Variants in LCLAT1 observed in about 807,000 individuals in gnomAD.
LCLAT1 encodes 1-AGP acyltransferase 8.
A neutral mutation model predicts 30.7 loss-of-function variants in LCLAT1; 11 were observed. That is an observed-to-expected ratio of 0.36 (90% CI 0.23 to 0.59). LCLAT1 has a LOEUF of 0.59. Ranked by LOEUF, LCLAT1 falls within the 20% of genes least tolerant of loss-of-function variation. LCLAT1 has a pLI of 0.77. For missense variants in LCLAT1, 402 were observed against 458.6 expected (o/e 0.88, Z 1.13); for synonymous variants, 155 against 151.3 (o/e 1.02, Z -0.18).
chr2:30,637,666 C>G (rs1439713780), intron 5 of LCLAT1, among the ~76,000 whole-genome samples: 1 of 152,166 alleles, frequency 6.6e-6, no homozygotes, highest in African/African-American at 2.4e-5. Flanking sequence ...CAACCTCTGC[C>G]TCCCGGGTTC....
At chr2:30,589,841 TC>T (rs1435015132) in intron 5 of LCLAT1, among the ~76,000 whole-genome samples, 1 of 152,228 alleles carries the variant, frequency 6.6e-6, no homozygotes, top group East Asian at 1.9e-4. Context: ...CTGCTGCTGC[TC>T]CTACTCATGT....
chr2:30,582,157 GT>G, intron 5 of LCLAT1, among the ~76,000 whole-genome samples: 1 of 152,154 alleles, frequency 6.6e-6, no homozygotes, highest in Middle Eastern at 3.4e-3. Flanking sequence ...CATTGAATCA[GT>G]CAGTCTCTGT....
At chr2:30,503,162 T>C (rs1314581006) in intron 1 of LCLAT1, among the ~76,000 whole-genome samples, 1 of 152,200 alleles carries the variant, frequency 6.6e-6, no homozygotes, top group Non-Finnish European at 1.5e-5. Context: ...TAAACTGTCG[T>C]GGCGCTGGTG....
In LCLAT1 at chr2:30,472,838, C is replaced by A. The variant is rs145602475; in HGVS notation, c.-5+25455C>A. ...TTGCCAGTCCCTCCTACCTGCCCCC[C>A]ACAATACCTTGTAATGGAACATTTT... On this transcript the variant is annotated intron_variant, in intron 1 of 5. Coordinates refer to ENST00000379509, the MANE Select transcript of LCLAT1 (RefSeq NM_001002257.3). Among the ~76,000 whole-genome samples, 22 of 152,202 alleles carry A rather than the reference C, an allele frequency of 1.4e-4. No homozygotes were observed. In the East Asian group the frequency reaches 3.3e-3, roughly 23 times the overall value.
intron 1 of LCLAT1, among the ~76,000 whole-genome samples, chr2:30,487,507 G>C (rs1422945264): frequency 6.6e-6 from 1 of 152,042 alleles, no homozygotes; most frequent in Non-Finnish European, 1.5e-5. Context: ...GGGCCCTGGG[G>C]GGTACAGCAG....
At chr2:30,451,610 T>C (rs1164492073) in intron 1 of LCLAT1, among the ~76,000 whole-genome samples, 4 of 126,430 alleles carry the variant, frequency 3.2e-5, no homozygotes, top group Non-Finnish European at 5.4e-5. Flanking sequence ...GTGATATATT[T>C]ATAAGATGGA....
At chr2:30,479,109 C>T (rs562388477) in intron 1 of LCLAT1, among the ~76,000 whole-genome samples, 2 of 152,034 alleles carry the variant, frequency 1.3e-5, no homozygotes, top group Admixed American at 6.6e-5. Flanking sequence ...AGTGAAATAC[C>T]GTACAGCAAT....
intron 1 of LCLAT1, among the ~76,000 whole-genome samples, chr2:30,523,311 A>T (rs1263727441): frequency 6.6e-6 from 1 of 151,644 alleles, no homozygotes; most frequent in Non-Finnish European, 1.5e-5. Flanking sequence ...AGTGTCATCA[A>T]CGCAAAGAGG....
rs565063139 is a variant in LCLAT1, at chr2:30,537,387, CA to C, written c.364+4086del. On this transcript the variant is annotated intron_variant, in intron 3 of 5. Coordinates refer to ENST00000379509, the MANE Select transcript of LCLAT1 (RefSeq NM_001002257.3). ...TGGGCGACAGAGCGAGACTCCGTCTCAAAAAAAAAAAAAGATAGACTTCAAG... is the reference window on the plus strand; with the variant it reads ...TGGGCGACAGAGCGAGACTCCGTCTCAAAAAAAAAAAAGATAGACTTCAAG... Among the ~76,000 whole-genome samples, 161 of 89,516 alleles carry C rather than the reference CA, an allele frequency of 1.8e-3. 1 individual carries two copies. The Middle Eastern group carries it at 0.022, about 12-fold the overall frequency. 58.7% of individuals were successfully genotyped at this position (89,516 alleles called of 152,430 possible). A position where few individuals can be genotyped will look rare whatever the true frequency, so the allele number is the denominator to read the frequency against.
chr2:30,627,455 T>C (rs950035713), intron 5 of LCLAT1, among the ~76,000 whole-genome samples: 13 of 152,242 alleles, frequency 8.5e-5, no homozygotes, highest in Admixed American at 3.3e-4. Context: ...GCATGAGCCA[T>C]GCAGTTTGTT....
chr2:30,533,945 T>C (rs1472812598), intron 3 of LCLAT1, among the ~76,000 whole-genome samples: 1 of 152,186 alleles, frequency 6.6e-6, no homozygotes, highest in Non-Finnish European at 1.5e-5. Flanking sequence ...TGCTACTTAA[T>C]GTGAAAAAGG....
intron 5 of LCLAT1, among the ~76,000 whole-genome samples, chr2:30,608,392 G>A (rs1017127972): frequency 9.9e-5 from 15 of 151,876 alleles, no homozygotes; most frequent in Admixed American, 7.9e-4. Flanking sequence ...AATAAATTTA[G>A]TGTAGCCTAA....
chr2:30,462,781 T>C (rs1417706685), intron 1 of LCLAT1, among the ~76,000 whole-genome samples: 4 of 152,194 alleles, frequency 2.6e-5, no homozygotes, highest in African/African-American at 4.8e-5. Context: ...CGTGAGCTGA[T>C]CAAAGGAAAT....
At chr2:30,536,708 A>C (rs1425935972) in intron 3 of LCLAT1, among the ~76,000 whole-genome samples, 2 of 152,224 alleles carry the variant, frequency 1.3e-5, no homozygotes, top group African/African-American at 4.8e-5. Flanking sequence ...AATAGAACAG[A>C]TATATAGATG....
intron 1 of LCLAT1, among the ~76,000 whole-genome samples, chr2:30,484,442 A>G (rs1356948961): frequency 6.6e-6 from 1 of 152,188 alleles, no homozygotes; most frequent in Non-Finnish European, 1.5e-5. Context: ...AACTCGTTGT[A>G]CCATGTGATT....
At chr2:30,552,637 C>A in intron 3 of LCLAT1, 1 of 339,652 alleles carries the variant, frequency 2.9e-6, no homozygotes. Flanking sequence ...GAGAGCATTA[C>A]CCAGTTTGTA....
Position 30,562,301 on chromosome 2 carries a change from G to T in LCLAT1, c.511+9G>T, listed in dbSNP as rs751751102. ...AGGGACTGATCTCACAGGTAATGTA[G>T]CCTGGGTTTGGCAAAGTTAGAAATC... is the stretch of plus-strand genomic sequence containing the variant. On this transcript the variant is annotated intron_variant, in intron 4 of 5. Transcript: ENST00000379509. 8.8e-6 allele frequency: 14 copies of T among 1,584,052 alleles called. No homozygotes were observed. Among genetic ancestry groups the T allele is most frequent in the Non-Finnish European group, 1.2e-5 (14 of 1,160,434 alleles).
At chr2:30,537,944 C>T (rs1354637200) in intron 3 of LCLAT1, among the ~76,000 whole-genome samples, 1 of 151,584 alleles carries the variant, frequency 6.6e-6, no homozygotes, top group Non-Finnish European at 1.5e-5. Context: ...GAAACTGTAC[C>T]AATACTTGGA....
chr2:30,465,302 C>G (rs1447263344), intron 1 of LCLAT1, among the ~76,000 whole-genome samples: 2 of 152,100 alleles, frequency 1.3e-5, no homozygotes, highest in Non-Finnish European at 2.9e-5. Context: ...TTAACGGCCA[C>G]AAGTCAAGGC....
Sources: allele counts gnomAD v4.1 joint callset (sites outside exome capture counted in the v4.1 genomes callset), GRCh38; gene constraint gnomAD v4.1.1; transcripts MANE v1.5; gene names NCBI Gene and HGNC (gene_info 2026-07-23, HGNC 2026-07-21).